SCN9A: variants seen among roughly 807,000 people sequenced by gnomAD.
SCN9A encodes the protein sodium channel protein type 9 subunit alpha.
Under a neutral mutation model 187.0 loss-of-function variants are expected in SCN9A, and 131 were observed. That is an observed-to-expected ratio of 0.70 (90% CI 0.61 to 0.81). SCN9A has a LOEUF of 0.81. Ranked by LOEUF, SCN9A falls within the 30% of genes least tolerant of loss-of-function variation. The pLI, the probability that SCN9A is intolerant of heterozygous loss-of-function variation, is 0.00. For missense variants in SCN9A, 2,252 were observed against 2,396.6 expected (o/e 0.94, Z 1.26); for synonymous variants, 809 against 808.6 (o/e 1.00, Z -0.01).
intron 1 of SCN9A, among the ~76,000 whole-genome samples, chr2:166,345,561 ATAAAACT>A (rs1699881733): frequency 6.6e-6 from 1 of 152,168 alleles, no homozygotes; most frequent in South Asian, 2.1e-4. Flanking sequence ...ATTGATTGAT[ATAAAACT>A]AAGTTCCAGA....
intron 23 of SCN9A, 144 bp from the exon 24 acceptor site, chr2:166,226,848 T>C: frequency 2.1e-6 from 1 of 470,270 alleles, no homozygotes; most frequent in Admixed American, 4.2e-5. Context: ...AGGTTTAACA[T>C]AATCACTCTT....
chr2:166,313,114 T>C (rs1040204319), intron 1 of SCN9A, among the ~76,000 whole-genome samples: 12 of 149,424 alleles, frequency 8.0e-5, no homozygotes, highest in Non-Finnish European at 1.6e-4. Context: ...TTCTGAATAG[T>C]AAATAATATA....
At position 166,272,828 on chromosome 2, in the gene SCN9A, G is replaced by C. The variant is rs368691761; in HGVS notation, c.2922C>G (p.Asp974Glu). Residue 974 changes from aspartate (D) to glutamate (E), a missense_variant, in exon 17 of 27, where the codon GAC becomes GAG. Asp to Glu is a conservative substitution (Grantham distance 45). Transcript: ENST00000642356. ...GGTCTTCTTCAATTGCTGTAAGATT[G>C]TCTGAACTAAATGAGCTCAATAATA... ...LALLLSSFSSDNLTAIEEDPD... is the reference protein window; with the variant it reads ...LALLLSSFSSENLTAIEEDPD... The C allele has an allele frequency of 1.3e-6, 2 of 1,516,266 alleles. No individual in the cohort carries two copies. Among genetic ancestry groups the C allele is most frequent in the South Asian group, 2.8e-5 (2 of 71,906 alleles). 93.9% of individuals were successfully genotyped at this position (1,516,266 alleles called of 1,614,324 possible).
intron 24 of SCN9A, among the ~76,000 whole-genome samples, chr2:166,217,474 A>C (rs972883659): frequency 5.3e-5 from 8 of 152,098 alleles, no homozygotes; most frequent in Admixed American, 5.2e-4. Flanking sequence ...TAAAGGGCTA[A>C]TATCCAACAT....
At chr2:166,348,478 C>T (rs780043145) in intron 1 of SCN9A, among the ~76,000 whole-genome samples, 12 of 152,128 alleles carry the variant, frequency 7.9e-5, no homozygotes, top group Non-Finnish European at 1.8e-4. Context: ...AACCCTTTCC[C>T]TTTGCTTTTT....
At chr2:166,269,176 T>C (rs1327147713) in intron 17 of SCN9A, among the ~76,000 whole-genome samples, 1 of 151,986 alleles carries the variant, frequency 6.6e-6, no homozygotes, top group African/African-American at 2.4e-5. Context: ...TCAAATGATT[T>C]TTAGACAACT....
intron 1 of SCN9A, among the ~76,000 whole-genome samples, chr2:166,315,018 A>T (rs772449743): frequency 2.6e-5 from 4 of 152,228 alleles, no homozygotes; most frequent in Non-Finnish European, 5.9e-5. Context: ...AGAATTTTGA[A>T]TCCTAAAATA....
intron 1 of SCN9A, among the ~76,000 whole-genome samples, chr2:166,358,157 C>T (rs1180889554): frequency 6.6e-6 from 1 of 151,740 alleles, no homozygotes; most frequent in Non-Finnish European, 1.5e-5. Flanking sequence ...GCAACATCTG[C>T]CTCCTGGGTT....
rs1209352003 is a variant in SCN9A at position 166,277,020 on chromosome 2, A to G, written c.2837T>C (p.Ile946Thr). 6.2e-7 allele frequency: 1 copy of G among 1,614,030 alleles called. No individual in the cohort carries two copies. The highest frequency in any genetic ancestry group is 8.5e-7 in the Non-Finnish European group (1 of 1,179,936). Reference protein sequence around the residue: ...MEVAGQAMCLIVYMMVMVIGN... With the variant: ...MEVAGQAMCLTVYMMVMVIGN... ...AATGACCATGACCATCATGTAAACA[A>G]TAAGGCACATAGCTTGACCAGCGAC... Residue 946 changes from isoleucine (I) to threonine (T), a missense_variant, in exon 16 of 27, where the codon ATT (isoleucine) becomes ACT (threonine). Physicochemically the swap from Ile to Thr is moderately conservative, Grantham distance 89. Transcript: ENST00000642356.
chr2:166,313,373 T>G (rs1232025376), intron 1 of SCN9A, among the ~76,000 whole-genome samples: 1 of 152,182 alleles, frequency 6.6e-6, no homozygotes, highest in East Asian at 1.9e-4. Context: ...ATCTGTTGTT[T>G]AATGTAACCA....
chr2:166,198,638 C>T lies in SCN9A; in HGVS notation c.*34G>A. On this transcript the variant is annotated 3_prime_UTR_variant, in exon 27 of 27. Coordinates refer to ENST00000642356, the MANE Select transcript of SCN9A (RefSeq NM_001365536.1). ...TTTATTAACACAAATAAATCACTTT[C>T]ACAGGCTGTAAACAATATATCAAAA... The T allele has an allele frequency of 6.9e-7, 1 of 1,441,514 alleles. No homozygotes were observed. Among genetic ancestry groups the T allele is most frequent in the Admixed American group, 2.4e-5 (1 of 41,470 alleles). The allele number at this position is 1,441,514 out of a possible 1,614,324, so 89.3% of individuals were successfully genotyped here.
chr2:166,207,431 G>GTTGT (rs1693863471), intron 24 of SCN9A, among the ~76,000 whole-genome samples: 1 of 142,146 alleles, frequency 7.0e-6, no homozygotes, highest in Non-Finnish European at 1.5e-5. Context: ...GAGTGTTTTT[G>GTTGT]TTGTTGTTGT....
At chr2:166,369,077 TATC>T (rs1301233625) in intron 1 of SCN9A, among the ~76,000 whole-genome samples, 2 of 152,062 alleles carry the variant, frequency 1.3e-5, no homozygotes, top group Non-Finnish European at 1.5e-5. Flanking sequence ...CATATCTACT[TATC>T]ATGTGTAAGA....
chr2:166,249,110 A>G (rs547198239), intron 18 of SCN9A, among the ~76,000 whole-genome samples: 1 of 152,098 alleles, frequency 6.6e-6, no homozygotes, highest in South Asian at 2.1e-4. Flanking sequence ...TTCCCTCCAT[A>G]TATTTGCACG....
intron 1 of SCN9A, among the ~76,000 whole-genome samples, chr2:166,324,163 G>A (rs574020661): frequency 6.6e-6 from 1 of 151,774 alleles, no homozygotes; most frequent in East Asian, 1.9e-4. Context: ...GTGTGGTGTG[G>A]GCGCCTGCAA....
chr2:166,198,964 G>C lies in SCN9A; in HGVS notation c.5675C>G (p.Ser1892Cys). 1.2e-6 allele frequency: 2 copies of C among 1,613,982 alleles called. No homozygotes were observed. The highest frequency in any genetic ancestry group is 1.7e-6 in the Non-Finnish European group (2 of 1,179,902). The change falls in exon 27 of 27, where the codon TCT becomes TGT. Residue 1892 changes from serine (S) to cysteine (C), a missense_variant. Ser to Cys is a moderately radical substitution (Grantham distance 112). Transcript: ENST00000642356. The stretch of plus-strand genomic sequence containing the variant: ...ATAAGCACGCTGAATGACAGTAGCA[G>C]ACACATCCTCTTGTTTCCGTTTTAG... ...TTLKRKQEDV[S>C]ATVIQRAYRR...
At chr2:166,278,370 A>C in intron 14 of SCN9A, 57 bp from the exon 15 acceptor site, 1 of 1,313,718 alleles carries the variant, frequency 7.6e-7, no homozygotes, top group Non-Finnish European at 1.0e-6. Context: ...AATCAACACA[A>C]TGATAATAAT....
rs1698680165 is a variant in SCN9A at position 166,304,300 on chromosome 2, T to C, written c.626A>G (p.Asn209Ser). The C allele has an allele frequency of 6.2e-7, 1 of 1,613,430 alleles. No homozygotes were observed. Among genetic ancestry groups the C allele is most frequent in the Non-Finnish European group, 8.5e-7 (1 of 1,179,428 alleles). ...TCTGAAAGTTCGAAGAGCTGAAACA[T>C]TGCCTAGGTTTACAAATTCTGTTAA... ...AYLTEFVNLG[N>S]VSALRTFRVL... The change falls in exon 6 of 27, where the codon AAT becomes AGT. Residue 209 changes from asparagine to serine, a missense_variant. Coordinates refer to ENST00000642356, the MANE Select transcript of SCN9A (RefSeq NM_001365536.1).
intron 9 of SCN9A, among the ~76,000 whole-genome samples, chr2:166,291,330 G>A (rs912655840): frequency 6.6e-6 from 1 of 152,050 alleles, no homozygotes; most frequent in Admixed American, 6.5e-5. Context: ...ATTTGCAATT[G>A]CTATAAAGAG....
Sources: gnomAD v4.1 joint callset for allele counts (sites outside exome capture counted in the v4.1 genomes callset) on GRCh38, gnomAD v4.1.1 for gene constraint, MANE v1.5 for transcripts, NCBI Gene and HGNC (gene_info 2026-07-23, HGNC 2026-07-21) for gene names.